Variants in DENND4C observed in about 807,000 individuals in gnomAD.
The protein encoded by DENND4C is DENN domain-containing protein 4C.
Under a neutral mutation model 203.0 loss-of-function variants are expected in DENND4C, and 108 were observed. The observed-to-expected ratio is 0.53, with a 90% CI of 0.46 to 0.62. The LOEUF (loss-of-function observed/expected upper bound fraction) is 0.62. Among genes scored for constraint, DENND4C ranks in the 20% least tolerant of loss-of-function variants. The pLI is 0.00. For missense variants in DENND4C, 2,481 were observed against 2,301.2 expected (o/e 1.08, Z -1.60); for synonymous variants, 871 against 792.4 (o/e 1.10, Z -1.67).
chr9:19,299,417 A>G (rs1838102944), intron 8 of DENND4C, 130 bp downstream of exon 8: 7 of 585,608 alleles, frequency 1.2e-5, no homozygotes. Flanking sequence ...AGTTAAAACT[A>G]GGCAAAAATA....
rs777943127 is a variant in DENND4C, at chr9:19,350,821, C to T, written c.4437C>T (p.Asn1479=). 6.2e-7 allele frequency: 1 copy of T among 1,613,788 alleles called. No homozygotes were observed. The highest frequency in any genetic ancestry group is 1.3e-5 in the African/African-American group (1 of 74,836). The stretch of plus-strand genomic sequence containing the variant: ...TCCCCAGTGAACTTACCCAGAGCAA[C>T]ACAAGTCTTGGCAGTAGCAGCAGTA... ...GLVPSELTQS[N]TSLGSSSSSG... Residue 1479 remains asparagine (N), a synonymous_variant, in exon 24 of 33, where the codon AAC becomes AAT. Transcript: ENST00000434457.
At chr9:19,312,981 G>T (rs1265493194) in intron 10 of DENND4C, among the ~76,000 whole-genome samples, 1 of 152,112 alleles carries the variant, frequency 6.6e-6, no homozygotes, top group African/African-American at 2.4e-5. Context: ...TTATTGAAGA[G>T]TCCATTAATT....
chr9:19,324,591 T>A (rs1412884184), intron 13 of DENND4C, 84 bp downstream of exon 13: 1 of 1,400,714 alleles, frequency 7.1e-7, no homozygotes. Context: ...TAGTCTAGAG[T>A]GATATAAGGA....
chr9:19,276,354 T>A lies in DENND4C; in HGVS notation c.180T>A (p.Gly60=). The A allele has an allele frequency of 8.1e-7, 1 of 1,232,104 alleles. No homozygotes were observed. Among genetic ancestry groups the A allele is most frequent in the Non-Finnish European group, 1.0e-6 (1 of 987,942 alleles). 76.3% of individuals were successfully genotyped at this position (1,232,104 alleles called of 1,614,324 possible). ...IKSAGETVPE[G]YTCVEATPSA... ...CAGCTGGAGAAACAGTACCTGAAGG[T>A]TACACCTGTGTAGAAGCCACTCCAT... The change falls in exon 2 of 33, where the codon GGT becomes GGA. Residue 60 remains glycine, a synonymous_variant. Coordinates refer to ENST00000434457, the MANE Select transcript of DENND4C (RefSeq NM_001330640.2).
intron 1 of DENND4C, among the ~76,000 whole-genome samples, chr9:19,245,120 G>C (rs993020508): frequency 1.3e-5 from 2 of 152,130 alleles, no homozygotes; most frequent in East Asian, 3.9e-4. Flanking sequence ...AAAAAATATT[G>C]ATAGTAGTGG....
intron 26 of DENND4C, among the ~76,000 whole-genome samples, chr9:19,356,288 A>AT (rs926230143): frequency 4.6e-5 from 7 of 152,106 alleles, no homozygotes; most frequent in East Asian, 1.9e-4. Context: ...TTTATTGACA[A>AT]TTTTTTTATT....
chr9:19,350,594 G>A (rs1588969892), intron 23 of DENND4C, 108 bp from the exon 24 acceptor site: 1 of 889,752 alleles, frequency 1.1e-6, no homozygotes, highest in East Asian at 2.7e-5. Flanking sequence ...TGGGGATGAT[G>A]ATTTGTTTAA....
At chr9:19,291,353 G>C (rs569720757) in intron 5 of DENND4C, 3 of 153,564 alleles carry the variant, frequency 2.0e-5, no homozygotes, top group Admixed American at 1.9e-4. Context: ...AAAGAATCAA[G>C]TGTTTAGAAA....
intron 9 of DENND4C, 111 bp from the exon 10 acceptor site, chr9:19,305,241 C>A: frequency 1.1e-6 from 1 of 897,176 alleles, no homozygotes; most frequent in Non-Finnish European, 1.7e-6. Flanking sequence ...TTAAGGTAAA[C>A]AAAACAGACT....
rs955126968 is a variant in DENND4C, at chr9:19,300,202, C to T, written c.1182C>T (p.Ser394=). The T allele has an allele frequency of 6.2e-7, 1 of 1,607,818 alleles. No individual in the cohort carries two copies. The highest frequency in any genetic ancestry group is 2.2e-5 in the East Asian group (1 of 44,754). The change falls in exon 9 of 33, where the codon AGC becomes AGT. Residue 394 remains serine (S), a synonymous_variant. Coordinates refer to ENST00000434457, the MANE Select transcript of DENND4C (RefSeq NM_001330640.2). ...TTTTCCCTAGTGGAGCCAACTTTAGCACCTTGCTAATGAATCTGGGTCCTG... is the reference window on the plus strand; with the variant it reads ...TTTTCCCTAGTGGAGCCAACTTTAGTACCTTGCTAATGAATCTGGGTCCTG... The part of the protein sequence containing the change: ...TPLPLSGANF[S]TLLMNLGPEN...
intron 1 of DENND4C, among the ~76,000 whole-genome samples, chr9:19,273,530 CAT>C (rs746123546): frequency 2.6e-4 from 39 of 151,976 alleles, no homozygotes; most frequent in Non-Finnish European, 5.4e-4. Context: ...ATTTGCAAAG[CAT>C]ATGTCTGATA....
chr9:19,236,502 C>G (rs947988619), intron 1 of DENND4C, among the ~76,000 whole-genome samples: 8 of 152,176 alleles, frequency 5.3e-5, no homozygotes. Flanking sequence ...AAGGGTCTTA[C>G]AGTCAAGTAA....
rs1216093415 is a variant in DENND4C at position 19,263,484 on chromosome 9, G to C, written c.-17-12674G>C. Among the ~76,000 whole-genome samples the C allele has an allele frequency of 2.0e-5, 3 of 151,640 alleles. No individual in the cohort carries two copies. In the East Asian group the frequency reaches 5.8e-4, roughly 29 times the overall value. On this transcript the variant is annotated intron_variant, in intron 1 of 32. Transcript: ENST00000434457. ...CAATTTTCCTGCCTCAGCCTCCCAA[G>C]GAGCTGGGATTACAGGCGTGCGCCA...
chr9:19,280,276 A>G (rs1403665096), intron 2 of DENND4C, among the ~76,000 whole-genome samples: 2 of 151,894 alleles, frequency 1.3e-5, no homozygotes, highest in Non-Finnish European at 2.9e-5. Flanking sequence ...CCTCCCAAGT[A>G]GCTGGGATTA....
chr9:19,368,257 A>ATTTTTTTTT (rs145197314), intron 30 of DENND4C, among the ~76,000 whole-genome samples: 1 of 110,798 alleles, frequency 9.0e-6, no homozygotes, highest in Non-Finnish European at 1.9e-5. Context: ...GGACTTTGCT[A>ATTTTTTTTT]TTTTTTTTTT....
chr9:19,232,523 T>C (rs925338518), intron 1 of DENND4C, among the ~76,000 whole-genome samples: 2 of 152,220 alleles, frequency 1.3e-5, no homozygotes, highest in African/African-American at 4.8e-5. Flanking sequence ...TCGTTGTATA[T>C]TGGAGAAATT....
At position 19,346,523 on chromosome 9, in the gene DENND4C, C is replaced by G. The variant is rs749337466; in HGVS notation, c.3754C>G (p.Pro1252Ala). 1 of 1,614,082 alleles carries G rather than the reference C, an allele frequency of 6.2e-7. No individual in the cohort carries two copies. The highest frequency in any genetic ancestry group is 1.1e-5 in the South Asian group (1 of 91,076). Reference protein sequence around the residue: ...QREDVETGLDPLSLLATECTG... With the variant: ...QREDVETGLDALSLLATECTG... ...GGAAGATGTTGAAACTGGACTAGATCCTTTGTCTCTTTTAGCCACTGAATG... is the reference window on the plus strand; with the variant it reads ...GGAAGATGTTGAAACTGGACTAGATGCTTTGTCTCTTTTAGCCACTGAATG... The change falls in exon 23 of 33, where the codon CCT becomes GCT. Residue 1252 changes from proline (P) to alanine (A), a missense_variant. By Grantham distance (27) the Pro-to-Ala change is conservative (BLOSUM62 -1). This residue lies in a region of DENND4C where 2,289 missense variants were observed against 2,113.3 expected (regional missense o/e 1.08). Coordinates refer to ENST00000434457, the MANE Select transcript of DENND4C (RefSeq NM_001330640.2).
At chr9:19,328,472 G>A (rs1229162607) in intron 16 of DENND4C, among the ~76,000 whole-genome samples, 1 of 151,912 alleles carries the variant, frequency 6.6e-6, no homozygotes, top group African/African-American at 2.4e-5. Context: ...AATTAGCTGG[G>A]CGTGGTGTCA....
At chr9:19,266,700 A>T (rs574316182) in intron 1 of DENND4C, among the ~76,000 whole-genome samples, 1 of 152,328 alleles carries the variant, frequency 6.6e-6, no homozygotes, top group African/African-American at 2.4e-5. Flanking sequence ...GATCTTTGAC[A>T]AACCTGACAA....
Sources: gnomAD v4.1 joint callset for allele counts (sites outside exome capture counted in the v4.1 genomes callset) on GRCh38, gnomAD v4.1.1 for gene constraint, gnomAD v4.1.1 regional missense constraint, MANE v1.5 for transcripts, NCBI Gene and HGNC (gene_info 2026-07-23, HGNC 2026-07-21) for gene names.